ASPRV1: variants seen among roughly 807,000 people sequenced by gnomAD.
ASPRV1 encodes aspartic peptidase retroviral like 1.
ASPRV1 carries 7 observed loss-of-function variants against 11.0 expected under a neutral mutation model. That is an observed-to-expected ratio of 0.64 (90% CI 0.36 to 1.20). The LOEUF (loss-of-function observed/expected upper bound fraction) is 1.20, where lower values mean the gene tolerates loss of function less well. Ranked by LOEUF, ASPRV1 falls within the 50% of genes most tolerant of loss-of-function variation. The pLI, the probability that ASPRV1 is intolerant of heterozygous loss-of-function variation, is 0.02. For missense variants in ASPRV1, 299 were observed against 320.0 expected (o/e 0.93, Z 0.50); for synonymous variants, 136 against 138.4 (o/e 0.98, Z 0.12).
the ASPRV1 span, among the ~76,000 whole-genome samples, chr2:70,065,702 T>G: frequency 2.0e-5 from 3 of 149,764 alleles, no homozygotes; most frequent in Non-Finnish European, 4.5e-5. Context: ...GCGCATGCCT[T>G]TAGTCCCAGC....
At chr2:70,059,939 C>G in the ASPRV1 span, 1 of 152,268 alleles carries the variant, frequency 6.6e-6, no homozygotes, top group Non-Finnish European at 1.5e-5. Flanking sequence ...TAATGAGCCA[C>G]AGACTAGGGT....
At chr2:69,997,937 T>C in the ASPRV1 span, 2 of 152,234 alleles carry the variant, frequency 1.3e-5, no homozygotes, top group Non-Finnish European at 2.9e-5. Context: ...GTAATCTTCA[T>C]GACAATGCTA....
chr2:69,986,133 C>A, the ASPRV1 span, among the ~76,000 whole-genome samples: 5 of 152,164 alleles, frequency 3.3e-5, no homozygotes, highest in African/African-American at 9.7e-5. Context: ...CACAGATGTG[C>A]CCATCCATAT....
the ASPRV1 span, among the ~76,000 whole-genome samples, chr2:69,999,888 C>G: frequency 6.6e-6 from 1 of 151,936 alleles, no homozygotes; most frequent in Admixed American, 6.6e-5. Context: ...CGGGCTCCTC[C>G]TCCTTCCTCC....
the ASPRV1 span, among the ~76,000 whole-genome samples, chr2:70,084,623 T>C: frequency 6.6e-6 from 1 of 152,254 alleles, no homozygotes; most frequent in Non-Finnish European, 1.5e-5. Flanking sequence ...CTTTATAATG[T>C]GTCCTTTTTA....
the ASPRV1 span, chr2:69,988,310 T>C: frequency 6.4e-6 from 1 of 156,664 alleles, no homozygotes; most frequent in Non-Finnish European, 1.4e-5. Flanking sequence ...GTGGTACAGT[T>C]ACACAATGGA....
At chr2:69,992,131 T>C in the ASPRV1 span, among the ~76,000 whole-genome samples, 1 of 152,154 alleles carries the variant, frequency 6.6e-6, no homozygotes, top group Non-Finnish European at 1.5e-5. Context: ...ATTTCACTCT[T>C]AATGATCTTT....
the ASPRV1 span, chr2:70,030,036 T>C: frequency 3.3e-5 from 5 of 152,182 alleles, no homozygotes; most frequent in Non-Finnish European, 5.9e-5. Context: ...CATTACATAA[T>C]CCACACAGTA....
chr2:70,082,143 T>TTG, the ASPRV1 span, among the ~76,000 whole-genome samples: 20 of 151,330 alleles, frequency 1.3e-4, no homozygotes, highest in African/African-American at 2.2e-4. Flanking sequence ...CCCAGCTAAT[T>TTG]TGTGTGTGTG....
At chr2:70,022,729 T>A in the ASPRV1 span, among the ~76,000 whole-genome samples, 1 of 152,056 alleles carries the variant, frequency 6.6e-6, no homozygotes, top group African/African-American at 2.4e-5. Context: ...AGGTAATGGA[T>A]AAGTTTAGCA....
At chr2:69,935,309 A>G in the ASPRV1 span, 1 of 1,438,854 alleles carries the variant, frequency 6.9e-7, no homozygotes, top group Non-Finnish European at 9.8e-7. Context: ...CTTCTGGCCC[A>G]CTGTGAAACT....
At chr2:70,046,853 A>G in the ASPRV1 span, 1 of 152,228 alleles carries the variant, frequency 6.6e-6, no homozygotes, top group Non-Finnish European at 1.5e-5. Context: ...TATATTTATG[A>G]AAGTGGTAAC....
chr2:70,050,606 T>G, the ASPRV1 span: 1 of 152,174 alleles, frequency 6.6e-6, no homozygotes, highest in Non-Finnish European at 1.5e-5. Flanking sequence ...CTATGTTATA[T>G]ATGATAGTCG....
chr2:69,938,392 A>G, the ASPRV1 span: 2 of 1,169,076 alleles, frequency 1.7e-6, no homozygotes, highest in Non-Finnish European at 2.4e-6. Context: ...TCAGTGTCCC[A>G]CCTTGACCAA....
the ASPRV1 span, among the ~76,000 whole-genome samples, chr2:70,085,033 C>T: frequency 1.2e-4 from 18 of 152,348 alleles, 1 homozygote; most frequent in South Asian, 3.7e-3. Flanking sequence ...CCACTAGCTA[C>T]GTGTTGCATT....
chr2:69,992,099 T>C, the ASPRV1 span, among the ~76,000 whole-genome samples: 7 of 152,022 alleles, frequency 4.6e-5, no homozygotes, highest in African/African-American at 7.2e-5. Flanking sequence ...TATTTTACAT[T>C]TTCTCTTCTG....
chr2:70,032,902 TAG>T, the ASPRV1 span, among the ~76,000 whole-genome samples: 3 of 152,074 alleles, frequency 2.0e-5, no homozygotes, highest in Admixed American at 6.6e-5. Flanking sequence ...GGAGTCTGAA[TAG>T]AGAGAGGAAT....
chr2:70,034,104 G>A, the ASPRV1 span, among the ~76,000 whole-genome samples: 363 of 138,326 alleles, frequency 2.6e-3, 2 homozygotes, highest in African/African-American at 9.4e-3. Flanking sequence ...GCAGTGAGCC[G>A]AGATCGTGCC....
upstream of ASPRV1, chr2:69,964,574 C>G (rs1678272074): frequency 3.8e-6 from 1 of 265,102 alleles, no homozygotes; most frequent in African/African-American, 2.2e-5. Flanking sequence ...CCAGGGCAGG[C>G]CAGGTGCCAC....
Sources: gnomAD v4.1 joint callset for allele counts (sites outside exome capture counted in the v4.1 genomes callset) on GRCh38, gnomAD v4.1.1 for gene constraint, MANE v1.5 for transcripts, NCBI Gene and HGNC (gene_info 2026-07-23, HGNC 2026-07-21) for gene names.